Variants in FRA10AC1 observed in about 807,000 individuals in gnomAD.
FRA10AC1 encodes protein FRA10AC1.
Under a neutral mutation model 56.5 loss-of-function variants are expected in FRA10AC1, and 43 were observed. The ratio of observed to expected loss-of-function variants is 0.76; its 90% CI spans 0.60 to 0.98. FRA10AC1 has a LOEUF of 0.98. FRA10AC1 is among the 50% of genes least tolerant of loss of function. FRA10AC1 has a pLI of 0.00. For missense variants in FRA10AC1, 346 were observed against 351.8 expected (o/e 0.98, Z 0.13); for synonymous variants, 112 against 110.5 (o/e 1.01, Z -0.09).
At chr10:93,680,166 T>G (rs1323584653) in intron 11 of FRA10AC1, among the ~76,000 whole-genome samples, 1 of 152,166 alleles carries the variant, frequency 6.6e-6, no homozygotes, top group African/African-American at 2.4e-5. Flanking sequence ...TACGCAGTGA[T>G]TAACATGGTA....
At chr10:93,692,784 G>A in intron 5 of FRA10AC1, 55 bp from the exon 6 acceptor site, 1 of 1,138,736 alleles carries the variant, frequency 8.8e-7, no homozygotes, top group Admixed American at 2.5e-5. Context: ...TCAAATTTAG[G>A]TTAAATAGCT....
chr10:93,690,138 T>TC (rs2059102699), intron 7 of FRA10AC1, among the ~76,000 whole-genome samples: 1 of 152,090 alleles, frequency 6.6e-6, no homozygotes, highest in Non-Finnish European at 1.5e-5. Flanking sequence ...TTTGTATAAA[T>TC]AAAGAGAAGA....
rs112324577 is a variant in FRA10AC1 at position 93,700,073 on chromosome 10, T to A, written c.34A>T (p.Ser12Cys). The A allele has an allele frequency of 6.2e-6, 10 of 1,604,020 alleles. No homozygotes were observed. The Middle Eastern group carries it at 6.6e-4, about 106-fold the overall frequency. Reference sequence around the variant, plus strand: ...GATTCTCCACAGCGTTCATCATCACTAAAATCAGAATCATAGCCTCCATGA... The same window carrying A: ...GATTCTCCACAGCGTTCATCATCACAAAAATCAGAATCATAGCCTCCATGA... The part of the protein sequence containing the change: ...HGHGGYDSDF[S>C]DDERCGESSK... Residue 12 changes from serine (S) to cysteine (C), a missense_variant, in exon 2 of 14, where the codon AGT becomes TGT. Physicochemically the swap from Ser to Cys is moderately radical, Grantham distance 112 (BLOSUM62 -1). Transcript: ENST00000359204.
intron 7 of FRA10AC1, among the ~76,000 whole-genome samples, chr10:93,688,509 A>G (rs1187967964): frequency 6.6e-6 from 1 of 152,180 alleles, no homozygotes; most frequent in African/African-American, 2.4e-5. Flanking sequence ...ATGGACTTCA[A>G]ATAATGATGT....
At chr10:93,687,312 T>C in intron 8 of FRA10AC1, 92 bp downstream of exon 8, 2 of 997,734 alleles carry the variant, frequency 2.0e-6, no homozygotes, top group Non-Finnish European at 2.9e-6. Flanking sequence ...AATAATTTCT[T>C]GTATATGTTA....
At chr10:93,690,563 A>G (rs1425613346) in intron 7 of FRA10AC1, among the ~76,000 whole-genome samples, 2 of 152,152 alleles carry the variant, frequency 1.3e-5, no homozygotes, top group Non-Finnish European at 2.9e-5. Flanking sequence ...ACTGACAACA[A>G]CAACAAAATA....
chr10:93,678,552 C>T (rs956562306), intron 11 of FRA10AC1, among the ~76,000 whole-genome samples: 3 of 152,040 alleles, frequency 2.0e-5, no homozygotes, highest in Non-Finnish European at 2.9e-5. Context: ...CTAAGGAGGT[C>T]GGGTGTGATG....
chr10:93,675,236 C>T (rs1161842408), intron 12 of FRA10AC1: 1 of 152,060 alleles, frequency 6.6e-6, no homozygotes, highest in African/African-American at 2.4e-5. Flanking sequence ...TTTCTCAGTG[C>T]AAAATTTCTG....
chr10:93,696,316 C>T (rs2059234517), intron 4 of FRA10AC1, among the ~76,000 whole-genome samples: 1 of 152,186 alleles, frequency 6.6e-6, no homozygotes, highest in African/African-American at 2.4e-5. Context: ...TCAACAAAAG[C>T]TGTTCTCTCT....
intron 2 of FRA10AC1, 77 bp from the exon 3 acceptor site, chr10:93,698,473 A>T: frequency 1.3e-6 from 1 of 781,904 alleles, no homozygotes; most frequent in Non-Finnish European, 2.1e-6. Context: ...TCATAACTGG[A>T]ATATACTTTA....
At chr10:93,685,204 A>G in intron 9 of FRA10AC1, 42 bp downstream of exon 9, 2 of 865,218 alleles carry the variant, frequency 2.3e-6, no homozygotes, top group African/African-American at 1.7e-5. Context: ...ATTAAAGACA[A>G]ACTTGGAAGA....
rs775993516 is a variant in FRA10AC1, at chr10:93,692,665, C to T, written c.361G>A (p.Asp121Asn). ...AATTACCAAGTCATGTCCATTTCGT[C>T]CTCCTCATTCCATAGGAATCTATGA... ...ENHRFLWNEE[D>N]EMDMTWEKRL... The change falls in exon 6 of 14, where the codon GAC becomes AAC. Residue 121 changes from aspartate (D) to asparagine (N), a missense_variant. Transcript: ENST00000359204. 1.6e-5 allele frequency: 25 copies of T among 1,597,888 alleles called. No individual in the cohort carries two copies. The East Asian group carries it at 2.5e-4, about 16-fold the overall frequency.
At chr10:93,680,678 A>T (rs1158978722) in intron 11 of FRA10AC1, among the ~76,000 whole-genome samples, 1 of 152,232 alleles carries the variant, frequency 6.6e-6, no homozygotes, top group African/African-American at 2.4e-5. Flanking sequence ...GATTAGTCTG[A>T]TTCACTATAA....
At chr10:93,676,580 T>C (rs2133899403) in intron 12 of FRA10AC1, 73 bp downstream of exon 12, 12 of 1,477,174 alleles carry the variant, frequency 8.1e-6, no homozygotes, top group Admixed American at 2.8e-5. Flanking sequence ...CACAGCAAGA[T>C]ACGATTCATG....
chr10:93,690,040 G>A (rs2059100911), intron 7 of FRA10AC1, among the ~76,000 whole-genome samples: 1 of 152,162 alleles, frequency 6.6e-6, no homozygotes, highest in African/African-American at 2.4e-5. Context: ...GGAGTAAGAG[G>A]CAAAGGTGGA....
At chr10:93,686,236 T>C (rs1283977957) in intron 8 of FRA10AC1, among the ~76,000 whole-genome samples, 1 of 151,896 alleles carries the variant, frequency 6.6e-6, no homozygotes, top group Admixed American at 6.6e-5. Context: ...ATCAGCCTTT[T>C]AAACTCATTC....
At chr10:93,688,526 G>A (rs2059069782) in intron 7 of FRA10AC1, among the ~76,000 whole-genome samples, 2 of 152,238 alleles carry the variant, frequency 1.3e-5, no homozygotes, top group South Asian at 2.1e-4. Context: ...ATGTATCAAC[G>A]TAGGTTCACT....
intron 7 of FRA10AC1, among the ~76,000 whole-genome samples, chr10:93,689,559 C>A (rs1200935488): frequency 6.6e-6 from 1 of 152,138 alleles, no homozygotes; most frequent in Non-Finnish European, 1.5e-5. Flanking sequence ...ATTCATTAAT[C>A]TATTCAACAG....
At chr10:93,698,986 A>C (rs903514405) in intron 2 of FRA10AC1, among the ~76,000 whole-genome samples, 1 of 152,168 alleles carries the variant, frequency 6.6e-6, no homozygotes, top group African/African-American at 2.4e-5. Context: ...CAGGCCAACA[A>C]TGTGAACCAA....
Sources: allele counts gnomAD v4.1 joint callset (sites outside exome capture counted in the v4.1 genomes callset), GRCh38; gene constraint gnomAD v4.1.1; transcripts MANE v1.5; gene names NCBI Gene and HGNC (gene_info 2026-07-23, HGNC 2026-07-21).